The following SNTG1 variants were observed in gnomAD, a reference collection of about 807,000 sequenced individuals.
The protein encoded by SNTG1 is gamma-1-syntrophin.
Under a neutral mutation model 74.7 loss-of-function variants are expected in SNTG1, and 39 were observed. The ratio of observed to expected loss-of-function variants is 0.52; its 90% CI spans 0.40 to 0.68. The LOEUF is 0.68. SNTG1 is among the 30% of genes least tolerant of loss of function. The pLI is 0.00. For synonymous variants in SNTG1, 254 were observed against 217.1 expected (o/e 1.17, Z -1.49); for missense variants, 685 against 609.5 (o/e 1.12, Z -1.30).
At chr8:50,706,879 C>T (rs1029087673) in intron 16 of SNTG1, among the ~76,000 whole-genome samples, 10 of 151,578 alleles carry the variant, frequency 6.6e-5, no homozygotes, top group Non-Finnish European at 1.0e-4. Flanking sequence ...TAAGTTCTAT[C>T]GTAAAACAAG....
chr8:50,556,541 A>C (rs890090749), intron 12 of SNTG1, among the ~76,000 whole-genome samples: 11 of 152,248 alleles, frequency 7.2e-5, no homozygotes, highest in African/African-American at 2.2e-4. Flanking sequence ...TTCACCAGCT[A>C]TATGAACAAG....
At chr8:50,527,487 T>C (rs551782075) in intron 9 of SNTG1, among the ~76,000 whole-genome samples, 10 of 152,240 alleles carry the variant, frequency 6.6e-5, no homozygotes, top group African/African-American at 1.9e-4. Context: ...GCATCTTACA[T>C]AAGAATCAAT....
At chr8:50,556,609 A>C (rs2094456924) in intron 12 of SNTG1, among the ~76,000 whole-genome samples, 1 of 152,212 alleles carries the variant, frequency 6.6e-6, no homozygotes, top group Non-Finnish European at 1.5e-5. Flanking sequence ...AAATAATTGA[A>C]GACTTTAAAA....
intron 9 of SNTG1, among the ~76,000 whole-genome samples, chr8:50,525,012 T>G (rs1477446588): frequency 6.6e-6 from 1 of 152,164 alleles, no homozygotes; most frequent in Non-Finnish European, 1.5e-5. Context: ...TCTAGTGTTC[T>G]TTTACTTCAA....
intron 13 of SNTG1, among the ~76,000 whole-genome samples, chr8:50,620,471 G>A (rs2094914686): frequency 1.3e-5 from 2 of 152,138 alleles, no homozygotes; most frequent in South Asian, 2.1e-4. Context: ...CCCATGTTCT[G>A]GGGTTTGGGA....
At chr8:50,782,238 C>T (rs906146517) in intron 18 of SNTG1, among the ~76,000 whole-genome samples, 5 of 152,086 alleles carry the variant, frequency 3.3e-5, no homozygotes, top group African/African-American at 1.2e-4. Context: ...TTTCCTGAAT[C>T]TCAATGTTGG....
In SNTG1 at chr8:50,631,307, G is replaced by A. The variant is rs146858460; in HGVS notation, c.850-25602G>A. On this transcript the variant is annotated intron_variant, in intron 13 of 18. Transcript: ENST00000642720. Reference sequence around the variant, plus strand: ...TTCATTTCCTCACAGCACCATAAATGGGAACAAATATTTATAATGTAAATG... The same window carrying A: ...TTCATTTCCTCACAGCACCATAAATAGGAACAAATATTTATAATGTAAATG... 4.9e-3 allele frequency among the ~76,000 whole-genome samples: 746 copies of A among 152,202 alleles called. 6 individuals are homozygous for A. Among genetic ancestry groups the A allele is most frequent in the African/African-American group, 0.017 (699 of 41,526 alleles).
At chr8:50,164,099 T>TTTC (rs1053120896) in intron 1 of SNTG1, 6 of 136,948 alleles carry the variant, frequency 4.4e-5, no homozygotes, top group African/African-American at 1.8e-4. Flanking sequence ...TTTCTTTTTT[T>TTTC]TTTTTTTTTT....
At chr8:50,245,773 G>C (rs2086372469) in intron 2 of SNTG1, among the ~76,000 whole-genome samples, 1 of 152,104 alleles carries the variant, frequency 6.6e-6, no homozygotes, top group Admixed American at 6.6e-5. Flanking sequence ...GGGCTTGTCA[G>C]CCATCCCTGT....
At chr8:50,781,591 T>C (rs888271080) in intron 18 of SNTG1, among the ~76,000 whole-genome samples, 2 of 152,218 alleles carry the variant, frequency 1.3e-5, no homozygotes, top group Non-Finnish European at 2.9e-5. Context: ...TTTGAATCTA[T>C]GTGTGTCTCT....
intron 1 of SNTG1, among the ~76,000 whole-genome samples, chr8:49,985,283 G>A (rs184608587): frequency 6.6e-6 from 1 of 152,220 alleles, no homozygotes; most frequent in African/African-American, 2.4e-5. Context: ...GGGACTACAG[G>A]TGCGCATCGC....
At chr8:50,137,310 C>A (rs1336906730) in intron 1 of SNTG1, among the ~76,000 whole-genome samples, 1 of 152,156 alleles carries the variant, frequency 6.6e-6, no homozygotes, top group Non-Finnish European at 1.5e-5. Context: ...TCATCTTCAT[C>A]GTCCTGCTGA....
At chr8:50,365,344 G>C (rs1350515437) in intron 2 of SNTG1, among the ~76,000 whole-genome samples, 1 of 152,082 alleles carries the variant, frequency 6.6e-6, no homozygotes, top group Non-Finnish European at 1.5e-5. Context: ...ACCAAATGCA[G>C]AGTGAAAACA....
chr8:50,115,576 A>AAAAAAAAAAAAC (rs2080788276), intron 1 of SNTG1, among the ~76,000 whole-genome samples: 2 of 82,798 alleles, frequency 2.4e-5, no homozygotes, highest in South Asian at 5.1e-4. Flanking sequence ...TCAAAAAAAA[A>AAAAAAAAAAAAC]AAAAAAAAAA....
At chr8:50,689,235 C>G (rs1334905967) in intron 15 of SNTG1, among the ~76,000 whole-genome samples, 3 of 152,102 alleles carry the variant, frequency 2.0e-5, no homozygotes, top group Non-Finnish European at 2.9e-5. Context: ...AATTGAATAG[C>G]CTTTATTTTC....
chr8:50,726,755 G>A lies in SNTG1; in HGVS notation c.1284+17777G>A, dbSNP rs758879216. Among the ~76,000 whole-genome samples, 15 of 152,164 alleles carry A rather than the reference G, an allele frequency of 9.9e-5. 1 individual carries two copies. Among genetic ancestry groups the A allele is most frequent in the South Asian group, 4.1e-4 (2 of 4,826 alleles). ...TCCCAGCTACTGAGGAGGCTGAAGC[G>A]GGAGAAAGGCGTGAAACCAGGAGGT... On this transcript the variant is annotated intron_variant, in intron 17 of 18. Transcript: ENST00000642720.
At chr8:50,650,765 A>G (rs1262515157) in intron 13 of SNTG1, among the ~76,000 whole-genome samples, 3 of 152,138 alleles carry the variant, frequency 2.0e-5, no homozygotes, top group Non-Finnish European at 4.4e-5. Flanking sequence ...CAGTGGTGCC[A>G]TCTCAGCTCT....
intron 2 of SNTG1, among the ~76,000 whole-genome samples, chr8:50,389,342 G>A (rs1408878708): frequency 6.6e-6 from 1 of 152,116 alleles, no homozygotes; most frequent in Non-Finnish European, 1.5e-5. Flanking sequence ...TGGAAACTAT[G>A]TTTCTCACTG....
At chr8:49,913,158 C>G (rs1352654672) in intron 1 of SNTG1, among the ~76,000 whole-genome samples, 2 of 152,152 alleles carry the variant, frequency 1.3e-5, no homozygotes, top group Non-Finnish European at 2.9e-5. Flanking sequence ...TGACATTTCA[C>G]TAAGAATCCG....
Sources: gnomAD v4.1 joint callset for allele counts (sites outside exome capture counted in the v4.1 genomes callset) on GRCh38, gnomAD v4.1.1 for gene constraint, MANE v1.5 for transcripts, NCBI Gene and HGNC (gene_info 2026-07-23, HGNC 2026-07-21) for gene names.